Variants in TULP4 observed in about 807,000 individuals in gnomAD.
TULP4 encodes TUB like protein 4.
TULP4 carries 16 observed loss-of-function variants against 129.0 expected under a neutral mutation model. The ratio of observed to expected loss-of-function variants is 0.12; its 90% CI spans 0.08 to 0.19. The LOEUF is 0.19. Ranked by LOEUF, TULP4 falls within the 10% of genes least tolerant of loss-of-function variation. The pLI, the probability that TULP4 is intolerant of heterozygous loss-of-function variation, is 1.00. For missense variants in TULP4, 1,842 were observed against 2,059.1 expected (o/e 0.89, Z 2.04); for synonymous variants, 998 against 854.0 (o/e 1.17, Z -2.94).
chr6:158,366,283 C>T (rs991303483), intron 1 of TULP4, among the ~76,000 whole-genome samples: 1 of 152,156 alleles, frequency 6.6e-6, no homozygotes, highest in Admixed American at 6.5e-5. Flanking sequence ...ACTTCTTTGT[C>T]CCCCTCTGTG....
At chr6:158,254,038 CAA>C (rs1055280495) in intron 1 of TULP4, among the ~76,000 whole-genome samples, 1 of 138,832 alleles carries the variant, frequency 7.2e-6, no homozygotes, top group Non-Finnish European at 1.6e-5. Flanking sequence ...GACTCTGTCT[CAA>C]AAAAAAAAAG....
chr6:158,366,903 A>G (rs1391877801), intron 1 of TULP4, among the ~76,000 whole-genome samples: 4 of 152,184 alleles, frequency 2.6e-5, no homozygotes, highest in Non-Finnish European at 5.9e-5. Context: ...CCTATGACCA[A>G]TCACTTTCCT....
intron 1 of TULP4, among the ~76,000 whole-genome samples, chr6:158,376,253 A>G (rs1777187276): frequency 6.6e-6 from 1 of 152,134 alleles, no homozygotes; most frequent in Admixed American, 6.5e-5. Context: ...GGAGCATCCT[A>G]CTGGGCACTT....
intron 1 of TULP4, among the ~76,000 whole-genome samples, chr6:158,329,916 T>C (rs1779836853): frequency 6.6e-6 from 1 of 152,234 alleles, no homozygotes; most frequent in African/African-American, 2.4e-5. Context: ...CTTGTTTAAG[T>C]GATCAATATC....
At chr6:158,481,464 C>T in intron 8 of TULP4, 175 bp downstream of exon 8, 1 of 653,262 alleles carries the variant, frequency 1.5e-6, no homozygotes, top group Non-Finnish European at 2.7e-6. Flanking sequence ...GAACAGTTCT[C>T]TAAATGTACT....
chr6:158,412,848 C>T (rs1778126896), intron 1 of TULP4, among the ~76,000 whole-genome samples: 1 of 152,174 alleles, frequency 6.6e-6, no homozygotes, highest in Non-Finnish European at 1.5e-5. Flanking sequence ...CATGTTCGCA[C>T]TGTCTCTCAT....
chr6:158,315,868 G>T (rs926946862), intron 1 of TULP4, among the ~76,000 whole-genome samples: 3 of 152,208 alleles, frequency 2.0e-5, no homozygotes, highest in African/African-American at 7.2e-5. Context: ...CATTTATGAG[G>T]GCAGAGCCCT....
intron 2 of TULP4, among the ~76,000 whole-genome samples, chr6:158,417,719 A>G (rs565801825): frequency 6.6e-6 from 1 of 152,192 alleles, no homozygotes; most frequent in Non-Finnish European, 1.5e-5. Flanking sequence ...GAAAAAGACT[A>G]CTTTTTAGAA....
At chr6:158,289,964 C>T (rs907185063) in intron 1 of TULP4, among the ~76,000 whole-genome samples, 15 of 152,152 alleles carry the variant, frequency 9.9e-5, no homozygotes, top group African/African-American at 3.6e-4. Context: ...TGTTTTGAGA[C>T]AGGGTCTCAC....
chr6:158,464,628 T>G (rs987053726), intron 6 of TULP4, among the ~76,000 whole-genome samples: 1 of 152,188 alleles, frequency 6.6e-6, no homozygotes, highest in Admixed American at 6.5e-5. Context: ...CTCCAACTCC[T>G]GACCTTGTGA....
intron 3 of TULP4, among the ~76,000 whole-genome samples, chr6:158,444,246 A>AAG (rs1562568657): frequency 2.3e-5 from 2 of 86,706 alleles, no homozygotes; most frequent in South Asian, 4.0e-4. Flanking sequence ...AAAAAAAAAA[A>AAG]TTTTTTTTTT....
chr6:158,343,561 C>T (rs975243645), intron 1 of TULP4, among the ~76,000 whole-genome samples: 1 of 152,126 alleles, frequency 6.6e-6, no homozygotes, highest in African/African-American at 2.4e-5. Flanking sequence ...CACCCTCTTT[C>T]CCTCACATGA....
At position 158,481,038 on chromosome 6, in the gene TULP4, C is replaced by T. The variant is rs1779930489; in HGVS notation, c.1252-17C>T. The T allele has an allele frequency of 1.3e-6, 2 of 1,539,956 alleles. No homozygotes were observed. Among genetic ancestry groups the T allele is most frequent in the Admixed American group, 1.9e-5 (1 of 51,420 alleles). ...CTCTGGAGTCCCAGCTCTTCATTTT[C>T]TTCCTGTATCCTCCAGCCCCCAATT... On this transcript the variant is annotated splice_polypyrimidine_tract_variant and intron_variant, in intron 7 of 13. Coordinates refer to ENST00000367097, the MANE Select transcript of TULP4 (RefSeq NM_020245.5).
intron 6 of TULP4, among the ~76,000 whole-genome samples, chr6:158,464,507 A>G (rs1779512567): frequency 6.6e-6 from 1 of 152,184 alleles, no homozygotes; most frequent in Non-Finnish European, 1.5e-5. Context: ...CGCAAGACGG[A>G]GGTCTTGCCC....
chr6:158,492,033 AT>A (rs1250231056), intron 9 of TULP4, among the ~76,000 whole-genome samples: 25 of 148,630 alleles, frequency 1.7e-4, no homozygotes, highest in Admixed American at 6.0e-4. Context: ...TAATTTTTGT[AT>A]TTTTTAGTAG....
intron 1 of TULP4, among the ~76,000 whole-genome samples, chr6:158,305,585 GTC>G (rs1220729406): frequency 7.9e-5 from 12 of 151,300 alleles, no homozygotes; most frequent in African/African-American, 2.9e-4. Flanking sequence ...CGCACCTGTA[GTC>G]TCAGCTATTT....
At chr6:158,391,794 T>C (rs1426407991) in intron 1 of TULP4, among the ~76,000 whole-genome samples, 2 of 152,030 alleles carry the variant, frequency 1.3e-5, no homozygotes, top group Admixed American at 1.3e-4. Context: ...GTGTTGTTAT[T>C]GTCATTCATT....
At position 158,413,007 on chromosome 6, in the gene TULP4, A is replaced by G. The variant is rs1250151383; in HGVS notation, c.253-58A>G. 1 of 1,565,046 alleles carries G rather than the reference A, an allele frequency of 6.4e-7. No homozygotes were observed. Among genetic ancestry groups the G allele is most frequent in the Non-Finnish European group, 8.7e-7 (1 of 1,153,008 alleles). On this transcript the variant is annotated intron_variant, in intron 1 of 13. Transcript: ENST00000367097. This position sits in a 1 kb window ranked among gnomAD's most constrained non-coding sequence, Gnocchi z 4.9. Reference sequence around the variant, plus strand: ...GTTCAAGTCTGATCACATCACAGAAATAATCCTGGCCCACAGATTTATTTC... The same window carrying G: ...GTTCAAGTCTGATCACATCACAGAAGTAATCCTGGCCCACAGATTTATTTC...
intron 3 of TULP4, among the ~76,000 whole-genome samples, chr6:158,432,202 G>T (rs566009198): frequency 6.6e-6 from 1 of 151,622 alleles, no homozygotes; most frequent in East Asian, 1.9e-4. Flanking sequence ...CAGGCACTCA[G>T]TCTTGTTTGA....
Sources: gnomAD v4.1 joint callset for allele counts (sites outside exome capture counted in the v4.1 genomes callset) on GRCh38, gnomAD v4.1.1 for gene constraint, Gnocchi (gnomAD v3.1) non-coding constraint, MANE v1.5 for transcripts, NCBI Gene and HGNC (gene_info 2026-07-23, HGNC 2026-07-21) for gene names.